CYSLTR2: variants seen among roughly 807,000 people sequenced by gnomAD.
CYSLTR2 encodes the protein cysteinyl leukotriene receptor 2.
For synonymous variants in CYSLTR2, 179 were observed against 160.8 expected (o/e 1.11, Z -0.86); for missense variants, 398 against 411.9 (o/e 0.97, Z 0.29).
In CYSLTR2 at chr13:48,710,739, A is replaced by G. The variant is rs1954612753; in HGVS notation, c.*2881A>G. ...GTGATAAACACTTAGTTAAGATGAAAAGGTATTAAATTTGTGGGTGGAAGA... is the reference window on the plus strand; with the variant it reads ...GTGATAAACACTTAGTTAAGATGAAGAGGTATTAAATTTGTGGGTGGAAGA... On this transcript the variant is annotated 3_prime_UTR_variant, in exon 5 of 5. Transcript: ENST00000682523. The G allele has an allele frequency of 6.6e-6, 1 of 152,316 alleles. No individual in the cohort carries two copies. The highest frequency in any genetic ancestry group is 3.4e-3 in the Middle Eastern group (1 of 294). 9.4% of individuals were successfully genotyped at this position (152,316 alleles called of 1,614,324 possible).
chr13:48,673,575 C>A (rs1393968807), intron 1 of CYSLTR2, among the ~76,000 whole-genome samples: 1 of 151,184 alleles, frequency 6.6e-6, no homozygotes, highest in Non-Finnish European at 1.5e-5. Flanking sequence ...ACTCTTTATC[C>A]AATTTGCCAG....
At chr13:48,694,946 TC>T (rs1954129333) in intron 3 of CYSLTR2, 1 of 151,784 alleles carries the variant, frequency 6.6e-6, no homozygotes, top group Admixed American at 6.6e-5. Context: ...CACCTTTTTT[TC>T]CCCTCCATTT....
At chr13:48,687,282 T>C (rs749771082) in intron 1 of CYSLTR2, among the ~76,000 whole-genome samples, 7 of 152,212 alleles carry the variant, frequency 4.6e-5, no homozygotes, top group Middle Eastern at 3.4e-3. Context: ...GTTGTGGGAC[T>C]TCTCAGCCTC....
chr13:48,665,890 T>C lies in CYSLTR2; in HGVS notation c.-266+11873T>C, dbSNP rs369769570. Among the ~76,000 whole-genome samples the C allele has an allele frequency of 2.1e-4, 32 of 152,230 alleles. 1 individual carries two copies. In the South Asian group the frequency reaches 6.6e-3, roughly 32 times the overall value. ...TTCTGCTTGTTTTGTGTATCTTTTG[T>C]TCCTTACTTCTTTTCTTATTGTTTA... is the stretch of plus-strand genomic sequence containing the variant. On this transcript the variant is annotated intron_variant, in intron 1 of 4. Transcript: ENST00000682523.
intron 1 of CYSLTR2, among the ~76,000 whole-genome samples, chr13:48,664,183 A>G (rs1182251350): frequency 1.3e-5 from 2 of 151,984 alleles, no homozygotes; most frequent in Admixed American, 1.3e-4. Flanking sequence ...CCACTTGATC[A>G]TGGTGTATTG....
intron 1 of CYSLTR2, among the ~76,000 whole-genome samples, chr13:48,667,309 G>A (rs1953289314): frequency 1.3e-5 from 2 of 152,224 alleles, no homozygotes; most frequent in Admixed American, 1.3e-4. Context: ...TATGGGTTAA[G>A]TTTGCTAGGG....
chr13:48,698,723 T>A (rs1954260693), intron 4 of CYSLTR2, among the ~76,000 whole-genome samples: 1 of 152,190 alleles, frequency 6.6e-6, no homozygotes, highest in Non-Finnish European at 1.5e-5. Flanking sequence ...AGACACAGAC[T>A]GGCAAATCAG....
chr13:48,660,008 A>G (rs1209458430), intron 1 of CYSLTR2, among the ~76,000 whole-genome samples: 1 of 152,232 alleles, frequency 6.6e-6, no homozygotes. Flanking sequence ...AAATGAAGCC[A>G]TATCTCTAAG....
At position 48,707,083 on chromosome 13, in the gene CYSLTR2, G is replaced by A. The variant is rs1277522063; in HGVS notation, c.266G>A (p.Ser89Asn). Residue 89 changes from serine (S) to asparagine (N), a missense_variant, in exon 5 of 5, where the codon AGC becomes AAC. Physicochemically the swap from Ser to Asn is conservative, Grantham distance 46. Coordinates refer to ENST00000682523, the MANE Select transcript of CYSLTR2 (RefSeq NM_001308476.3). ...NLAISDLLFI[S>N]TLPFRADYYL... ...GCCATTTCAGATCTCCTGTTCATAA[G>A]CACGCTTCCCTTCAGGGCTGACTAT... 2 of 1,614,052 alleles carry A rather than the reference G, an allele frequency of 1.2e-6. No individual in the cohort carries two copies. Among genetic ancestry groups the A allele is most frequent in the African/African-American group, 1.3e-5 (1 of 74,926 alleles).
intron 3 of CYSLTR2, chr13:48,694,944 T>C (rs553784361): frequency 1.3e-5 from 2 of 152,238 alleles, no homozygotes; most frequent in African/African-American, 4.8e-5. Flanking sequence ...CACACCTTTT[T>C]TTCCCCTCCA....
At chr13:48,692,993 G>A (rs1384771674) in intron 2 of CYSLTR2, among the ~76,000 whole-genome samples, 1 of 151,708 alleles carries the variant, frequency 6.6e-6, no homozygotes, top group Non-Finnish European at 1.5e-5. Context: ...GTTAGTTAAG[G>A]ATCAGGAAAT....
chr13:48,676,712 T>A (rs924791629), intron 1 of CYSLTR2, among the ~76,000 whole-genome samples: 1 of 152,156 alleles, frequency 6.6e-6, no homozygotes, highest in Admixed American at 6.5e-5. Context: ...AATAAGACTA[T>A]CCTGTAGGCA....
At chr13:48,668,811 CAT>C (rs1953339232) in intron 1 of CYSLTR2, among the ~76,000 whole-genome samples, 1 of 152,102 alleles carries the variant, frequency 6.6e-6, no homozygotes, top group Admixed American at 6.6e-5. Context: ...CCCCTGTGTC[CAT>C]GTGTTCCCAT....
intron 1 of CYSLTR2, among the ~76,000 whole-genome samples, chr13:48,667,634 T>G (rs1225866856): frequency 6.6e-6 from 1 of 152,172 alleles, no homozygotes; most frequent in East Asian, 1.9e-4. Context: ...TTGCTGGGCA[T>G]GACCTATGGG....
chr13:48,695,153 C>T (rs1954143316), intron 3 of CYSLTR2, among the ~76,000 whole-genome samples: 1 of 132,926 alleles, frequency 7.5e-6, no homozygotes, highest in South Asian at 2.6e-4. Flanking sequence ...CAGTTCACTT[C>T]AGCCTTGATC....
At chr13:48,657,395 GT>G (rs893082161) in intron 1 of CYSLTR2, among the ~76,000 whole-genome samples, 40 of 151,774 alleles carry the variant, frequency 2.6e-4, no homozygotes, top group African/African-American at 7.2e-4. Flanking sequence ...CAGAGGCAGA[GT>G]TTTTTTTGCC....
intron 1 of CYSLTR2, among the ~76,000 whole-genome samples, chr13:48,689,921 C>G (rs1026177367): frequency 5.9e-5 from 9 of 152,058 alleles, no homozygotes; most frequent in Non-Finnish European, 1.0e-4. Flanking sequence ...TGTGTCCTCT[C>G]TTATTTCCTT....
chr13:48,666,223 C>T (rs1953257851), intron 1 of CYSLTR2, among the ~76,000 whole-genome samples: 1 of 151,974 alleles, frequency 6.6e-6, no homozygotes, highest in Admixed American at 6.6e-5. Context: ...ATTTATCATC[C>T]CAATTCTCTC....
chr13:48,664,556 T>C (rs1953212680), intron 1 of CYSLTR2, among the ~76,000 whole-genome samples: 1 of 151,958 alleles, frequency 6.6e-6, no homozygotes, highest in Non-Finnish European at 1.5e-5. Context: ...TCTTGGTAGG[T>C]TGTATGTGTC....
Sources: gnomAD v4.1 joint callset for allele counts (sites outside exome capture counted in the v4.1 genomes callset) on GRCh38, gnomAD v4.1.1 for gene constraint, MANE v1.5 for transcripts, NCBI Gene and HGNC (gene_info 2026-07-23, HGNC 2026-07-21) for gene names.